The following PACRG variants were observed in gnomAD, a reference collection of about 807,000 sequenced individuals.
PACRG encodes the protein parkin coregulated.
PACRG carries 29 observed loss-of-function variants against 29.7 expected under a neutral mutation model. The observed-to-expected ratio is 0.98, with a 90% CI of 0.73 to 1.33. The LOEUF is 1.33. Among genes scored for constraint, PACRG ranks in the 40% most tolerant of loss-of-function variants. The probability of loss-of-function intolerance (pLI) is 0.00; values close to 1 mark genes in which losing one functional copy is unlikely to be tolerated. For synonymous variants in PACRG, 116 were observed against 118.7 expected, an observed-to-expected ratio of 0.98 and a Z score of 0.15; for missense variants, 279 against 316.2, an observed-to-expected ratio of 0.88 and a Z score of 0.89.
At position 163,301,042 on chromosome 6, in the gene PACRG, G is replaced by A. The variant is rs372318476; in HGVS notation, c.614-13785G>A. Reference sequence around the variant, plus strand: ...AGTAGGGCCACGTCAGCTGCTGCCCGTGAGTTTAGTAGGGCCACGTCCGCT... The same window carrying A: ...AGTAGGGCCACGTCAGCTGCTGCCCATGAGTTTAGTAGGGCCACGTCCGCT... On this transcript the variant is annotated intron_variant, in intron 4 of 4. Coordinates refer to ENST00000366888, the MANE Select transcript of PACRG (RefSeq NM_001080379.2). Among the ~76,000 whole-genome samples, 61 of 143,798 alleles carry A rather than the reference G, an allele frequency of 4.2e-4. 2 individuals are homozygous for A. In the East Asian group the frequency reaches 0.012, roughly 27 times the overall value. The allele number at this position is 143,798 out of a possible 152,430, so 94.3% of individuals were successfully genotyped here. A position where few individuals can be genotyped will look rare whatever the true frequency, so the allele number is the denominator to read the frequency against.
Position 163,172,787 on chromosome 6 carries a change from T to A in PACRG, c.613+83379T>A, listed in dbSNP as rs1779150928. Among the ~76,000 whole-genome samples, 4 of 152,204 alleles carry A rather than the reference T, an allele frequency of 2.6e-5. No individual in the cohort carries two copies. The South Asian group carries it at 8.3e-4, about 32-fold the overall frequency. ...CTGGTGTGCCAATTAGGTTTTAAAA[T>A]ATTAAAAAACTTGACCTAATCATTT... On this transcript the variant is annotated intron_variant, in intron 4 of 4. Coordinates refer to ENST00000366888, the MANE Select transcript of PACRG (RefSeq NM_001080379.2).
intron 2 of PACRG, among the ~76,000 whole-genome samples, chr6:163,061,262 G>A (rs1167261429): frequency 1.3e-5 from 2 of 152,182 alleles, no homozygotes; most frequent in African/African-American, 4.8e-5. Flanking sequence ...CTTCAGCTCT[G>A]CCGCCTTGCT....
rs188937036 is a variant in PACRG at position 163,217,412 on chromosome 6, C to T, written c.614-97415C>T. Among the ~76,000 whole-genome samples, 14 of 152,224 alleles carry T rather than the reference C, an allele frequency of 9.2e-5. No individual in the cohort carries two copies. The East Asian group carries it at 1.7e-3, about 19-fold the overall frequency. ...GGCCCAGTCACAGATACAAAGCCCACGTCCACGCAGTCTGCTCAGGAGGGG... is the reference window on the plus strand; with the variant it reads ...GGCCCAGTCACAGATACAAAGCCCATGTCCACGCAGTCTGCTCAGGAGGGG... On this transcript the variant is annotated intron_variant, in intron 4 of 4. Coordinates refer to ENST00000366888, the MANE Select transcript of PACRG (RefSeq NM_001080379.2).
chr6:163,266,040 C>T (rs560279019), intron 4 of PACRG, among the ~76,000 whole-genome samples: 1 of 152,234 alleles, frequency 6.6e-6, no homozygotes, highest in East Asian at 1.9e-4. Flanking sequence ...CAGACCAATT[C>T]CTAAAAAGTC....
At chr6:163,285,689 A>ACCT (rs1414844187) in intron 4 of PACRG, among the ~76,000 whole-genome samples, 1 of 152,214 alleles carries the variant, frequency 6.6e-6, no homozygotes, top group Non-Finnish European at 1.5e-5. Flanking sequence ...AAGGAATAAT[A>ACCT]ACCACAGCTC....
intron 1 of PACRG, among the ~76,000 whole-genome samples, chr6:162,775,541 T>C (rs1783577041): frequency 6.6e-6 from 1 of 152,228 alleles, no homozygotes; most frequent in Non-Finnish European, 1.5e-5. Context: ...CATAAGTAAT[T>C]ATGTAATTTG....
intron 2 of PACRG, among the ~76,000 whole-genome samples, chr6:162,912,572 C>CTTT (rs745997012): frequency 3.6e-5 from 5 of 137,080 alleles, no homozygotes; most frequent in Admixed American, 7.4e-5. Context: ...ATATTATATT[C>CTTT]TTTTTTTTTT....
chr6:163,289,720 C>A (rs1047165882), intron 4 of PACRG, among the ~76,000 whole-genome samples: 2 of 152,292 alleles, frequency 1.3e-5, no homozygotes, highest in Admixed American at 1.3e-4. Flanking sequence ...CCTGCTTTAC[C>A]TATGAGGAAA....
chr6:162,956,663 T>C (rs951677285), intron 2 of PACRG, among the ~76,000 whole-genome samples: 2 of 152,156 alleles, frequency 1.3e-5, no homozygotes, highest in South Asian at 4.1e-4. Context: ...GCAGCATTGC[T>C]CCTGCAGCCG....
At chr6:162,744,434 A>G (rs1343042560) in intron 1 of PACRG, among the ~76,000 whole-genome samples, 2 of 152,038 alleles carry the variant, frequency 1.3e-5, no homozygotes, top group African/African-American at 4.8e-5. Context: ...CCCGTCTAAA[A>G]CATTTTTTAA....
At chr6:162,762,877 T>C (rs945869125) in intron 1 of PACRG, among the ~76,000 whole-genome samples, 1 of 152,208 alleles carries the variant, frequency 6.6e-6, no homozygotes, top group African/African-American at 2.4e-5. Context: ...AGATGTTAAG[T>C]ATTTATACTA....
chr6:162,891,772 G>C (rs1219952496), intron 2 of PACRG, among the ~76,000 whole-genome samples: 1 of 152,096 alleles, frequency 6.6e-6, no homozygotes, highest in African/African-American at 2.4e-5. Flanking sequence ...GGTCACTCAG[G>C]TACAAGCCCA....
intron 4 of PACRG, among the ~76,000 whole-genome samples, chr6:163,258,120 A>G (rs1197874048): frequency 2.0e-5 from 3 of 152,142 alleles, no homozygotes; most frequent in Non-Finnish European, 4.4e-5. Flanking sequence ...TTTAAACAGA[A>G]TTTACTTCAT....
At chr6:162,765,040 G>A (rs549404760) in intron 1 of PACRG, among the ~76,000 whole-genome samples, 5 of 152,004 alleles carry the variant, frequency 3.3e-5, no homozygotes, top group South Asian at 4.2e-4. Flanking sequence ...CACCGTGCCC[G>A]GCCTGGAAAC....
intron 2 of PACRG, among the ~76,000 whole-genome samples, chr6:162,988,761 A>C (rs1164529584): frequency 6.6e-6 from 1 of 152,184 alleles, no homozygotes; most frequent in African/African-American, 2.4e-5. Context: ...CAATCTCTTA[A>C]TGGAAAATTA....
intron 4 of PACRG, among the ~76,000 whole-genome samples, chr6:163,252,255 T>C (rs1362601509): frequency 6.6e-6 from 1 of 152,258 alleles, no homozygotes; most frequent in Non-Finnish European, 1.5e-5. Context: ...CTGCACCCAC[T>C]GAATATTCCC....
chr6:163,216,214 T>C (rs1244249355), intron 4 of PACRG, among the ~76,000 whole-genome samples: 1 of 152,170 alleles, frequency 6.6e-6, no homozygotes, highest in Non-Finnish European at 1.5e-5. Flanking sequence ...TCATGCACTT[T>C]GAGGGATCTG....
At chr6:162,995,443 G>T (rs1803920225) in intron 2 of PACRG, among the ~76,000 whole-genome samples, 1 of 152,172 alleles carries the variant, frequency 6.6e-6, no homozygotes. Context: ...TAGTCTCGTG[G>T]TGCGCCGTTT....
At position 163,024,505 on chromosome 6, in the gene PACRG, A is replaced by G. The variant is rs1243393302; in HGVS notation, c.292-37645A>G. Among the ~76,000 whole-genome samples the G allele has an allele frequency of 7.2e-5, 11 of 152,280 alleles. No homozygotes were observed. The South Asian group carries it at 1.5e-3, about 20-fold the overall frequency. On this transcript the variant is annotated intron_variant, in intron 2 of 4. Coordinates refer to ENST00000366888, the MANE Select transcript of PACRG (RefSeq NM_001080379.2). ...TTACAGTATGGTTTAAAGCTGGGCA[A>G]TATGGTGCCTCCACCTATATTCTTT...
Sources: allele counts gnomAD v4.1 joint callset (sites outside exome capture counted in the v4.1 genomes callset), GRCh38; gene constraint gnomAD v4.1.1; transcripts MANE v1.5; gene names NCBI Gene and HGNC (gene_info 2026-07-23, HGNC 2026-07-21).